Variants in DLG2 observed in about 807,000 individuals in gnomAD.
DLG2 encodes disks large homolog 2.
DLG2 carries 45 observed loss-of-function variants against 132.5 expected under a neutral mutation model. That is an observed-to-expected ratio of 0.34 (90% CI 0.27 to 0.44). The LOEUF is 0.44. Among genes scored for constraint, DLG2 ranks in the 20% least tolerant of loss-of-function variants. The probability of loss-of-function intolerance (pLI) is 1.00; values close to 1 mark genes in which losing one functional copy is unlikely to be tolerated. For synonymous variants in DLG2, 424 were observed against 419.6 expected (o/e 1.01, Z -0.13); for missense variants, 1,045 against 1,196.9 (o/e 0.87, Z 1.87).
chr11:84,827,486 G>A (rs986583367), intron 6 of DLG2, among the ~76,000 whole-genome samples: 11 of 151,548 alleles, frequency 7.3e-5, no homozygotes, highest in African/African-American at 2.7e-4. Flanking sequence ...GAACTTAGGA[G>A]GATAATATTG....
At chr11:84,275,372 T>C (rs2097774485) in intron 7 of DLG2, among the ~76,000 whole-genome samples, 2 of 151,742 alleles carry the variant, frequency 1.3e-5, no homozygotes, top group South Asian at 4.2e-4. Flanking sequence ...TTTTTTTTCT[T>C]GAGACGGAGT....
At chr11:84,943,126 T>C (rs2049686798) in intron 6 of DLG2, among the ~76,000 whole-genome samples, 1 of 151,866 alleles carries the variant, frequency 6.6e-6, no homozygotes. Context: ...GGGAAACATG[T>C]TTCCTGTAGG....
chr11:85,501,305 C>G (rs2093797115), intron 3 of DLG2, among the ~76,000 whole-genome samples: 2 of 152,244 alleles, frequency 1.3e-5, no homozygotes, highest in East Asian at 1.9e-4. Context: ...AGACCTAGGA[C>G]CATAAAAATC....
chr11:84,122,377 T>C (rs1403734505), intron 9 of DLG2, among the ~76,000 whole-genome samples: 1 of 152,196 alleles, frequency 6.6e-6, no homozygotes, highest in Non-Finnish European at 1.5e-5. Context: ...CTCTCAGTGC[T>C]TTCAGAGAAC....
intron 5 of DLG2, chr11:85,132,863 G>C (rs957077931): frequency 2.2e-6 from 1 of 456,484 alleles, no homozygotes; most frequent in African/African-American, 2.0e-5. Flanking sequence ...GGTGAGAAAA[G>C]CCTTTTGGAA....
intron 11 of DLG2, among the ~76,000 whole-genome samples, chr11:84,013,183 C>T (rs1186703762): frequency 6.6e-6 from 1 of 152,072 alleles, no homozygotes; most frequent in Non-Finnish European, 1.5e-5. Flanking sequence ...AGCTAAAAGC[C>T]TGGCTCAGTT....
chr11:84,730,359 C>A (rs1409099059), intron 6 of DLG2, among the ~76,000 whole-genome samples: 2 of 152,040 alleles, frequency 1.3e-5, no homozygotes, highest in African/African-American at 4.8e-5. Flanking sequence ...TATCAAAATG[C>A]TTGGCACATA....
chr11:83,561,113 A>G (rs1489271612), intron 19 of DLG2, among the ~76,000 whole-genome samples: 1 of 152,206 alleles, frequency 6.6e-6, no homozygotes. Flanking sequence ...AGATCTTGTG[A>G]TAACTCTATG....
chr11:85,039,526 A>G (rs1044741179), intron 6 of DLG2, among the ~76,000 whole-genome samples: 3 of 151,940 alleles, frequency 2.0e-5, no homozygotes, highest in Non-Finnish European at 4.4e-5. Context: ...CATCTGTACA[A>G]GGAGGATATT....
intron 16 of DLG2, among the ~76,000 whole-genome samples, chr11:83,841,686 ATGTTT>A (rs2057568851): frequency 6.6e-6 from 1 of 152,222 alleles, no homozygotes; most frequent in South Asian, 2.1e-4. Context: ...ATTTCATATT[ATGTTT>A]TAAGTATGGA....
chr11:84,766,118 A>G (rs74586108), intron 6 of DLG2, among the ~76,000 whole-genome samples: 2,310 of 152,064 alleles, frequency 0.015, 74 homozygotes, highest in African/African-American at 0.052. Context: ...TGACACATCC[A>G]CCAGAGGGGG....
chr11:83,539,494 G>C (rs2095996538), intron 20 of DLG2, among the ~76,000 whole-genome samples: 2 of 152,020 alleles, frequency 1.3e-5, no homozygotes, highest in African/African-American at 4.8e-5. Context: ...AGAATTGTAA[G>C]TGATTTTTAT....
In DLG2 at chr11:83,704,654, T is replaced by TAAAA. The variant is rs769615246; in HGVS notation, c.1826-71333_1826-71330dup. 5.1e-3 allele frequency among the ~76,000 whole-genome samples: 536 copies of TAAAA among 105,932 alleles called. 8 individuals are homozygous for TAAAA. The highest frequency in any genetic ancestry group is 0.018 in the African/African-American group (510 of 28,152). 69.5% of individuals were successfully genotyped at this position (105,932 alleles called of 152,430 possible). On this transcript the variant is annotated intron_variant, in intron 18 of 27. Transcript: ENST00000376104. ...CAACGTGGTGAAACCCCGTCTCTAC[T>TAAAA]AAAAAAAAAAAAAAAAAAAAATATT...
intron 17 of DLG2, among the ~76,000 whole-genome samples, chr11:83,792,301 AT>A (rs2041794347): frequency 6.6e-6 from 1 of 152,210 alleles, no homozygotes; most frequent in African/African-American, 2.4e-5. Flanking sequence ...TTTCAAAATG[AT>A]TATTTATTCA....
intron 8 of DLG2, among the ~76,000 whole-genome samples, chr11:84,219,886 A>C (rs1470154597): frequency 1.3e-5 from 2 of 152,188 alleles, no homozygotes; most frequent in African/African-American, 4.8e-5. Context: ...ATGTACTGTA[A>C]CTTGGTTCTT....
At chr11:84,287,091 G>A (rs755689308) in intron 7 of DLG2, among the ~76,000 whole-genome samples, 2 of 152,060 alleles carry the variant, frequency 1.3e-5, no homozygotes, top group Non-Finnish European at 2.9e-5. Context: ...CATGCATCCA[G>A]CATAAAATAA....
At chr11:84,278,201 T>C (rs1264694316) in intron 7 of DLG2, among the ~76,000 whole-genome samples, 2 of 151,910 alleles carry the variant, frequency 1.3e-5, no homozygotes, top group African/African-American at 2.4e-5. Context: ...GAAAATCTTA[T>C]AAACAACTTT....
At chr11:83,701,852 G>C (rs903610716) in intron 18 of DLG2, among the ~76,000 whole-genome samples, 1 of 152,198 alleles carries the variant, frequency 6.6e-6, no homozygotes, top group Non-Finnish European at 1.5e-5. Flanking sequence ...AGGTAAGCCT[G>C]GAGAGGCCTA....
chr11:83,595,497 C>T (rs1594118826), intron 19 of DLG2, among the ~76,000 whole-genome samples: 1 of 152,174 alleles, frequency 6.6e-6, no homozygotes, highest in East Asian at 1.9e-4. Flanking sequence ...ATGGCTAAAA[C>T]ATTCATTGTA....
Sources: gnomAD v4.1 joint callset for allele counts (sites outside exome capture counted in the v4.1 genomes callset) on GRCh38, gnomAD v4.1.1 for gene constraint, MANE v1.5 for transcripts, NCBI Gene and HGNC (gene_info 2026-07-23, HGNC 2026-07-21) for gene names.